PCBD2: variants seen among roughly 807,000 people sequenced by gnomAD.
The protein encoded by PCBD2 is pterin-4-alpha-carbinolamine dehydratase 2.
PCBD2 carries 12 observed loss-of-function variants against 16.4 expected under a neutral mutation model. That is an observed-to-expected ratio of 0.73 (90% CI 0.47 to 1.19). The LOEUF (loss-of-function observed/expected upper bound fraction) is 1.19. PCBD2 is among the 50% of genes most tolerant of loss of function. The probability of loss-of-function intolerance (pLI) is 0.00; values close to 1 mark genes in which losing one functional copy is unlikely to be tolerated. For missense variants in PCBD2, 138 were observed against 156.8 expected (o/e 0.88, Z 0.64); for synonymous variants, 58 against 61.8 (o/e 0.94, Z 0.29).
intron 2 of PCBD2, among the ~76,000 whole-genome samples, chr5:134,950,408 G>A (rs554703857): frequency 3.7e-4 from 57 of 152,340 alleles, no homozygotes; most frequent in Middle Eastern, 6.8e-3. Context: ...TGTGCTAGAA[G>A]TCTTAGAACT....
At position 134,910,502 on chromosome 5, in the gene PCBD2, A is replaced by G. The variant is rs1561906121; in HGVS notation, c.216+36A>G. ...TAAATTCTTGCTAGGGCTGTGGTCT[A>G]TTTTAGTCACCTTAGGCCATAACAC... On this transcript the variant is annotated intron_variant, in intron 2 of 3. Coordinates refer to ENST00000254908, the MANE Select transcript of PCBD2 (RefSeq NM_032151.5). 13 of 1,609,260 alleles carry G rather than the reference A, an allele frequency of 8.1e-6. 1 individual carries two copies. Among genetic ancestry groups the G allele is most frequent in the South Asian group, 2.2e-5 (2 of 90,694 alleles).
chr5:134,909,209 A>G (rs1328384303), intron 1 of PCBD2, among the ~76,000 whole-genome samples: 1 of 152,066 alleles, frequency 6.6e-6, no homozygotes, highest in Non-Finnish European at 1.5e-5. Flanking sequence ...AGTGCACACA[A>G]GTGCTTTGGA....
chr5:134,956,304 G>A (rs1225978455), intron 2 of PCBD2, among the ~76,000 whole-genome samples: 3 of 152,154 alleles, frequency 2.0e-5, no homozygotes, highest in Non-Finnish European at 4.4e-5. Context: ...TTAATTGTAT[G>A]TAGATATGGT....
intron 3 of PCBD2, among the ~76,000 whole-genome samples, chr5:134,959,835 G>A (rs1751455194): frequency 6.8e-6 from 1 of 147,248 alleles, no homozygotes; most frequent in Admixed American, 6.8e-5. Flanking sequence ...AGTTCATCAA[G>A]AAACAGCATT....
chr5:134,940,973 A>G (rs535495230), intron 2 of PCBD2, among the ~76,000 whole-genome samples: 1 of 152,118 alleles, frequency 6.6e-6, no homozygotes, highest in East Asian at 1.9e-4. Context: ...TACAAAAATT[A>G]GCGTGGTGGC....
At chr5:134,943,235 A>G (rs1180931058) in intron 2 of PCBD2, among the ~76,000 whole-genome samples, 1 of 152,198 alleles carries the variant, frequency 6.6e-6, no homozygotes, top group African/African-American at 2.4e-5. Context: ...TCCATTCATG[A>G]GGCCATAGAA....
At chr5:134,934,146 T>G (rs1751130539) in intron 2 of PCBD2, among the ~76,000 whole-genome samples, 1 of 152,222 alleles carries the variant, frequency 6.6e-6, no homozygotes, top group African/African-American at 2.4e-5. Flanking sequence ...CCATGTTTTA[T>G]ACATATTTGT....
At chr5:134,926,924 G>C (rs572718422) in intron 2 of PCBD2, 8 of 397,992 alleles carry the variant, frequency 2.0e-5, no homozygotes, top group African/African-American at 1.4e-4. Context: ...GGTTAATAGT[G>C]GGGGGTAAGG....
In PCBD2 at chr5:134,910,676, G is replaced by A. The variant is rs1249769740; in HGVS notation, c.216+210G>A. Among the ~76,000 whole-genome samples, 3 of 152,210 alleles carry A rather than the reference G, an allele frequency of 2.0e-5. No individual in the cohort carries two copies. The East Asian group carries it at 5.8e-4, about 29-fold the overall frequency. Reference sequence around the variant, plus strand: ...TAGCTCTGGGGGAAGAGGGTGGTTTGTGTTACTTGGAAAACAAATTCTGAA... The same window carrying A: ...TAGCTCTGGGGGAAGAGGGTGGTTTATGTTACTTGGAAAACAAATTCTGAA... On this transcript the variant is annotated intron_variant, in intron 2 of 3. Coordinates refer to ENST00000254908, the MANE Select transcript of PCBD2 (RefSeq NM_032151.5).
At chr5:134,907,146 A>G (rs1313559683) in intron 1 of PCBD2, among the ~76,000 whole-genome samples, 1 of 152,230 alleles carries the variant, frequency 6.6e-6, no homozygotes, top group Non-Finnish European at 1.5e-5. Context: ...AGCATGTTTA[A>G]TGGTTTTCTT....
At chr5:134,908,093 A>G (rs1480429556) in intron 1 of PCBD2, among the ~76,000 whole-genome samples, 1 of 149,088 alleles carries the variant, frequency 6.7e-6, no homozygotes, top group Non-Finnish European at 1.5e-5. Context: ...CTATTTTTTA[A>G]AATTTTTTTG....
In PCBD2 at chr5:134,936,537, A is replaced by G. The variant is rs536472442; in HGVS notation, c.217-22503A>G. Among the ~76,000 whole-genome samples the G allele has an allele frequency of 5.3e-5, 8 of 152,372 alleles. No individual in the cohort carries two copies. In the South Asian group the frequency reaches 1.7e-3, roughly 32 times the overall value. On this transcript the variant is annotated intron_variant, in intron 2 of 3. Coordinates refer to ENST00000254908, the MANE Select transcript of PCBD2 (RefSeq NM_032151.5). ...TGGGAAGATTCTGGGATTTCCAGACATGTTAAAGGTTTCAGATCCTGTGTG... is the reference window on the plus strand; with the variant it reads ...TGGGAAGATTCTGGGATTTCCAGACGTGTTAAAGGTTTCAGATCCTGTGTG...
At chr5:134,907,548 T>G (rs974764561) in intron 1 of PCBD2, among the ~76,000 whole-genome samples, 2 of 151,336 alleles carry the variant, frequency 1.3e-5, no homozygotes, top group African/African-American at 4.9e-5. Context: ...GCCAAGAATT[T>G]TAGATTTCTT....
intron 2 of PCBD2, among the ~76,000 whole-genome samples, chr5:134,918,485 A>G (rs558775692): frequency 6.6e-6 from 1 of 152,322 alleles, no homozygotes; most frequent in East Asian, 1.9e-4. Flanking sequence ...AGCCTGGGCG[A>G]CAGAGTACTC....
chr5:134,956,672 T>G (rs567939019), intron 2 of PCBD2, among the ~76,000 whole-genome samples: 1 of 152,308 alleles, frequency 6.6e-6, no homozygotes, highest in South Asian at 2.1e-4. Context: ...GTTCGTTTGC[T>G]CTACATGTGC....
At chr5:134,906,267 G>A (rs887391185) in intron 1 of PCBD2, among the ~76,000 whole-genome samples, 1 of 137,840 alleles carries the variant, frequency 7.3e-6, no homozygotes, top group Non-Finnish European at 1.5e-5. Context: ...GCAGTGGCGC[G>A]ATCTCGGCGT....
intron 2 of PCBD2, chr5:134,924,840 T>C (rs1203237018): frequency 1.0e-5 from 4 of 392,050 alleles, no homozygotes; most frequent in Non-Finnish European, 1.8e-5. Context: ...TAAGAAGGCC[T>C]AGATAAGGGA....
intron 2 of PCBD2, among the ~76,000 whole-genome samples, chr5:134,942,380 A>G (rs1339709745): frequency 3.3e-5 from 5 of 152,100 alleles, no homozygotes; most frequent in Admixed American, 6.5e-5. Context: ...TCTGTAAAAT[A>G]GGAATGATAA....
At chr5:134,955,260 C>T (rs996139146) in intron 2 of PCBD2, among the ~76,000 whole-genome samples, 3 of 149,440 alleles carry the variant, frequency 2.0e-5, no homozygotes, top group African/African-American at 7.4e-5. Context: ...TTAAATTACA[C>T]TCTAATTTTG....
Sources: gnomAD v4.1 joint callset for allele counts (sites outside exome capture counted in the v4.1 genomes callset) on GRCh38, gnomAD v4.1.1 for gene constraint, MANE v1.5 for transcripts, NCBI Gene and HGNC (gene_info 2026-07-23, HGNC 2026-07-21) for gene names.